Variants in STRIT1 observed in about 807,000 individuals in gnomAD.
STRIT1 encodes small transmembrane regulator of ion transport 1.
rs144485662 is a variant in STRIT1, at chr3:155,293,679, T to G, written c.-47A>C. 1 of 398,364 alleles carries G rather than the reference T, an allele frequency of 2.5e-6. No homozygotes were observed. The highest frequency in any genetic ancestry group is 2.1e-5 in the African/African-American group (1 of 48,636). 24.7% of individuals were successfully genotyped at this position (398,364 alleles called of 1,614,324 possible). A position where few individuals can be genotyped will look rare whatever the true frequency, so the allele number is the denominator to read the frequency against. On this transcript the variant is annotated 5_prime_UTR_variant, in exon 1 of 3. Coordinates refer to ENST00000489090, the MANE Select transcript of STRIT1 (RefSeq NM_001352129.2). ...AGGTCAGGCCACGCTTACCTCTTTC[T>G]TTTGTTATCCAGCGTCTCTTTGAAC... is the stretch of plus-strand genomic sequence containing the variant.
chr3:155,292,276 C>T (rs1715655345), intron 1 of STRIT1, among the ~76,000 whole-genome samples: 1 of 152,116 alleles, frequency 6.6e-6, no homozygotes, highest in South Asian at 2.1e-4. Flanking sequence ...AGGCATTAAG[C>T]ACTAAATGGA....
At chr3:155,293,399 T>C (rs546227200) in intron 1 of STRIT1, among the ~76,000 whole-genome samples, 2 of 152,226 alleles carry the variant, frequency 1.3e-5, no homozygotes, top group Non-Finnish European at 2.9e-5. Context: ...CTCTTTTCCT[T>C]TGTTGATCAT....
intron 1 of STRIT1, among the ~76,000 whole-genome samples, chr3:155,291,471 T>C (rs1446203422): frequency 6.6e-6 from 1 of 152,100 alleles, no homozygotes; most frequent in Non-Finnish European, 1.5e-5. Context: ...TAAAAAACAA[T>C]CTAATACAAC....
chr3:155,291,178 CT>C, intron 1 of STRIT1, 140 bp from the exon 2 acceptor site: 1 of 388,588 alleles, frequency 2.6e-6, no homozygotes, highest in Admixed American at 4.4e-5. Flanking sequence ...ATTATTTTTT[CT>C]TTTCTACAGA....
In STRIT1 at chr3:155,290,824, A is replaced by T; in HGVS notation, c.*27T>A. 2.5e-6 allele frequency: 1 copy of T among 394,058 alleles called. No individual in the cohort carries two copies. 24.4% of individuals were successfully genotyped at this position (394,058 alleles called of 1,614,324 possible). A position where few individuals can be genotyped will look rare whatever the true frequency, so the allele number is the denominator to read the frequency against. ...ATAGTTTTCTTAATTCTTCTAAATG[A>T]TGTCAATCTGATATCTTCTTGCCTG... is the stretch of plus-strand genomic sequence containing the variant. On this transcript the variant is annotated 3_prime_UTR_variant, in exon 3 of 3. Transcript: ENST00000489090.
rs79835204 is a variant in STRIT1, at chr3:155,293,634, A to T, written c.-2T>A. The T allele has an allele frequency of 6.0e-3, 2,335 of 390,670 alleles. 44 individuals carry two copies. The highest frequency in any genetic ancestry group is 0.045 in the African/African-American group (2,078 of 45,914). 24.2% of individuals were successfully genotyped at this position (390,670 alleles called of 1,614,324 possible). On this transcript the variant is annotated 5_prime_UTR_variant, in exon 1 of 3. Coordinates refer to ENST00000489090, the MANE Select transcript of STRIT1 (RefSeq NM_001352129.2). ...TTAAATCTTACCTTTTTCAGCCATT[A>T]TTCCTGTTGGTGGGTGGCTAGGTCA...
At chr3:155,293,359 C>A (rs959815435) in intron 1 of STRIT1, among the ~76,000 whole-genome samples, 4 of 151,996 alleles carry the variant, frequency 2.6e-5, no homozygotes, top group Non-Finnish European at 5.9e-5. Flanking sequence ...TTCTAACTCA[C>A]CTTTCAAAAT....
At chr3:155,291,224 T>G (rs1287334388) in intron 1 of STRIT1, 186 bp from the exon 2 acceptor site, 1 of 369,854 alleles carries the variant, frequency 2.7e-6, no homozygotes, top group Non-Finnish European at 4.8e-6. Context: ...CTGGGTATTT[T>G]GAATCAAACC....
At chr3:155,292,810 C>T (rs947612218) in intron 1 of STRIT1, among the ~76,000 whole-genome samples, 1 of 152,118 alleles carries the variant, frequency 6.6e-6, no homozygotes, top group African/African-American at 2.4e-5. Flanking sequence ...ATGCTTCTCT[C>T]TTGTCCAGTT....
chr3:155,293,153 A>G (rs1009904376), intron 1 of STRIT1, among the ~76,000 whole-genome samples: 1 of 152,156 alleles, frequency 6.6e-6, no homozygotes, highest in African/African-American at 2.4e-5. Context: ...TAAAAACCAG[A>G]AAAAAGTTAG....
Position 155,290,313 on chromosome 3 carries a change from T to G in STRIT1, c.*538A>C, listed in dbSNP as rs1715600604. On this transcript the variant is annotated 3_prime_UTR_variant, in exon 3 of 3. Transcript: ENST00000489090. ...AGTTTTAATTACATTTCTCTTTTTG[T>G]GAACAAGAGATTAAGTAAGTGTACT... is the stretch of plus-strand genomic sequence containing the variant. The G allele has an allele frequency of 6.6e-6, 1 of 151,896 alleles. No homozygotes were observed. The highest frequency in any genetic ancestry group is 1.5e-5 in the Non-Finnish European group (1 of 68,004). 9.4% of individuals were successfully genotyped at this position (151,896 alleles called of 1,614,324 possible).
rs771745947 is a variant in STRIT1 at position 155,290,718 on chromosome 3, G to T, written c.*133C>A. The T allele has an allele frequency of 3.0e-6, 1 of 337,566 alleles. No homozygotes were observed. Among genetic ancestry groups the T allele is most frequent in the Admixed American group, 4.8e-5 (1 of 20,998 alleles). 20.9% of individuals were successfully genotyped at this position (337,566 alleles called of 1,614,324 possible). A position where few individuals can be genotyped will look rare whatever the true frequency, so the allele number is the denominator to read the frequency against. On this transcript the variant is annotated 3_prime_UTR_variant, in exon 3 of 3. Transcript: ENST00000489090. ...AAGAAATTCTTATGCATACCAAAGT[G>T]CCAGTTTATGATCCAAGTTTGTAAA...
chr3:155,293,578 T>TC, intron 1 of STRIT1, 42 bp downstream of exon 1: 1 of 334,724 alleles, frequency 3.0e-6, no homozygotes, highest in East Asian at 4.7e-5. Flanking sequence ...AAGAAGCCTT[T>TC]TTTTTTTTTT....
intron 1 of STRIT1, among the ~76,000 whole-genome samples, chr3:155,292,412 T>TAGC (rs2108435046): frequency 6.6e-6 from 1 of 152,296 alleles, no homozygotes; most frequent in East Asian, 1.9e-4. Flanking sequence ...TGGAAGTACA[T>TAGC]AGCAGTAATT....
intron 1 of STRIT1, 130 bp from the exon 2 acceptor site, chr3:155,291,168 A>T: frequency 2.6e-6 from 1 of 391,360 alleles, no homozygotes. Flanking sequence ...CCCATACATA[A>T]TTATTTTTTC....
chr3:155,291,291 G>A (rs1715628683), intron 1 of STRIT1: 2 of 295,662 alleles, frequency 6.8e-6, no homozygotes, highest in South Asian at 1.6e-4. Context: ...CTTTCCTACT[G>A]GTAAAATATG....
chr3:155,291,196 G>T (rs73873110), intron 1 of STRIT1, 158 bp from the exon 2 acceptor site: 16,755 of 382,264 alleles, frequency 0.044, 871 homozygotes, highest in African/African-American at 0.18. Context: ...CAGAGAATAC[G>T]TGAGACTGTC....
chr3:155,291,362 T>C, intron 1 of STRIT1: 1 of 190,828 alleles, frequency 5.2e-6, no homozygotes, highest in Non-Finnish European at 1.1e-5. Context: ...TGACATAACA[T>C]ATGTGCAAAG....
intron 1 of STRIT1, 101 bp downstream of exon 1, chr3:155,293,519 T>G (rs1401858487): frequency 7.5e-6 from 3 of 397,490 alleles, no homozygotes; most frequent in Non-Finnish European, 1.3e-5. Context: ...AGATATCACA[T>G]TTTTTAGAGT....
Sources: allele counts gnomAD v4.1 joint callset (sites outside exome capture counted in the v4.1 genomes callset), GRCh38; gene constraint gnomAD v4.1.1; transcripts MANE v1.5; gene names NCBI Gene and HGNC (gene_info 2026-07-23, HGNC 2026-07-21).